Variants in CPAP observed in about 807,000 individuals in gnomAD.
CPAP encodes centrosome assembly and centriole elongation protein.
At chr13:24,883,210 C>T in the CPAP span, 1 of 1,613,936 alleles carries the variant, frequency 6.2e-7, no homozygotes, top group East Asian at 2.2e-5. Flanking sequence ...CATTACCCTC[C>T]TTGTCCTTAA....
the CPAP span, among the ~76,000 whole-genome samples, chr13:24,905,041 C>T: frequency 2.6e-5 from 4 of 152,216 alleles, no homozygotes; most frequent in African/African-American, 7.2e-5. Context: ...TTTATATGCA[C>T]GGACTCTTTA....
the CPAP span, among the ~76,000 whole-genome samples, chr13:24,901,640 T>C: frequency 6.6e-6 from 1 of 152,210 alleles, no homozygotes; most frequent in East Asian, 1.9e-4. Flanking sequence ...ATACAGTCAT[T>C]TCAAGGATAC....
chr13:24,910,292 C>G, the CPAP span, among the ~76,000 whole-genome samples: 1 of 152,246 alleles, frequency 6.6e-6, no homozygotes, highest in Non-Finnish European at 1.5e-5. Context: ...GGTGCGATCT[C>G]AGCTCACTGC....
At chr13:24,929,111 T>C in the CPAP span, among the ~76,000 whole-genome samples, 90 of 152,358 alleles carry the variant, frequency 5.9e-4, no homozygotes, top group Non-Finnish European at 4.3e-4. Context: ...TCACCTGGGC[T>C]GGAGGGCAGT....
At chr13:24,884,316 A>G in the CPAP span, 132 of 1,614,032 alleles carry the variant, frequency 8.2e-5, no homozygotes, top group Non-Finnish European at 1.1e-4. Flanking sequence ...CACCTCTGGA[A>G]ACATACCACT....
the CPAP span, chr13:24,884,172 C>T: frequency 2.5e-6 from 4 of 1,614,042 alleles, no homozygotes; most frequent in Non-Finnish European, 3.4e-6. Context: ...TATTTGTCCA[C>T]TTGAGAAATG....
the CPAP span, among the ~76,000 whole-genome samples, chr13:24,896,215 G>T: frequency 2.0e-4 from 31 of 152,298 alleles, no homozygotes; most frequent in Middle Eastern, 3.4e-3. Context: ...AGTACGAACA[G>T]GGTCCAAACT....
chr13:24,883,463 C>T, the CPAP span: 2 of 946,556 alleles, frequency 2.1e-6, no homozygotes, highest in Non-Finnish European at 3.2e-6. Context: ...TTGAGTCTGG[C>T]AGCTACTTCT....
chr13:24,892,239 A>G, the CPAP span, among the ~76,000 whole-genome samples: 2 of 152,108 alleles, frequency 1.3e-5, no homozygotes, highest in African/African-American at 4.8e-5. Context: ...CTTGGCCAAA[A>G]TCTCCCTGGT....
chr13:24,930,761 C>G, the CPAP span, among the ~76,000 whole-genome samples: 104 of 152,244 alleles, frequency 6.8e-4, no homozygotes, highest in African/African-American at 2.5e-3. Context: ...GTGAATAGTG[C>G]TGTGATGAAC....
the CPAP span, chr13:24,883,006 A>ATCAT: frequency 1.6e-6 from 1 of 630,944 alleles, no homozygotes; most frequent in East Asian, 2.8e-5. Context: ...AATGAGAGCT[A>ATCAT]TCATTGCATT....
chr13:24,890,428 A>G, the CPAP span, among the ~76,000 whole-genome samples: 149,568 of 152,188 alleles, frequency 0.98, 73,533 homozygotes, highest in Middle Eastern at 1. Context: ...ACATGGCCCT[A>G]CGGGTCCTCG....
chr13:24,899,490 G>C, the CPAP span: 11 of 1,613,318 alleles, frequency 6.8e-6, no homozygotes, highest in Non-Finnish European at 9.3e-6. Flanking sequence ...AAAACTTTAC[G>C]TTCCTTTTGT....
the CPAP span, chr13:24,885,950 T>C: frequency 2.2e-6 from 1 of 458,896 alleles, no homozygotes; most frequent in Non-Finnish European, 4.0e-6. Context: ...TCAGAGACAA[T>C]CACAAGGTGT....
chr13:24,891,297 T>C, the CPAP span, among the ~76,000 whole-genome samples: 3 of 152,106 alleles, frequency 2.0e-5, no homozygotes, highest in African/African-American at 7.2e-5. Flanking sequence ...ACAGCCCTGC[T>C]GGCCTCTCCC....
chr13:24,890,907 A>G, the CPAP span, among the ~76,000 whole-genome samples: 22 of 152,026 alleles, frequency 1.4e-4, no homozygotes, highest in African/African-American at 4.1e-4. Flanking sequence ...TCCTGCGTCA[A>G]TATTTTCCTC....
At chr13:24,899,608 C>T in the CPAP span, 1 of 1,601,402 alleles carries the variant, frequency 6.2e-7, no homozygotes, top group East Asian at 2.2e-5. Context: ...ACTATGTTAT[C>T]ACCTAAGGAG....
chr13:24,894,129 G>C, the CPAP span, among the ~76,000 whole-genome samples: 17,821 of 152,128 alleles, frequency 0.12, 1,384 homozygotes, highest in East Asian at 0.32. Context: ...AATGGCAGGA[G>C]GACTGGCCAG....
At chr13:24,895,167 C>T in the CPAP span, among the ~76,000 whole-genome samples, 1 of 152,254 alleles carries the variant, frequency 6.6e-6, no homozygotes, top group African/African-American at 2.4e-5. Context: ...GGACTCCGCA[C>T]CTGCGGAAGG....
Sources: allele counts gnomAD v4.1 joint callset (sites outside exome capture counted in the v4.1 genomes callset), GRCh38; gene constraint gnomAD v4.1.1; transcripts MANE v1.5; gene names NCBI Gene and HGNC (gene_info 2026-07-23, HGNC 2026-07-21).